The following TICRR variants were observed in gnomAD, a reference collection of about 807,000 sequenced individuals.
The protein encoded by TICRR is TOPBP1 interacting checkpoint and replication regulator, also known as treslin.
Under a neutral mutation model 178.1 loss-of-function variants are expected in TICRR, and 132 were observed. That is an observed-to-expected ratio of 0.74 (90% CI 0.64 to 0.86). The LOEUF (loss-of-function observed/expected upper bound fraction) is 0.86. TICRR is among the 40% of genes least tolerant of loss of function. The pLI is 0.00. For synonymous variants in TICRR, 991 were observed against 900.7 expected, an observed-to-expected ratio of 1.10 and a Z score of -1.79; for missense variants, 2,587 against 2,334.3, an observed-to-expected ratio of 1.11 and a Z score of -2.23.
chr15:89,610,926 G>T (rs1376625522), intron 15 of TICRR, among the ~76,000 whole-genome samples: 1 of 151,694 alleles, frequency 6.6e-6, no homozygotes, highest in Non-Finnish European at 1.5e-5. Flanking sequence ...TATGAATAAA[G>T]CCAACCTCTT....
chr15:89,609,722 G>A lies in TICRR; in HGVS notation c.2869+773G>A, dbSNP rs548110566. Among the ~76,000 whole-genome samples the A allele has an allele frequency of 3.1e-4, 47 of 151,874 alleles. 1 individual carries two copies. The highest frequency in any genetic ancestry group is 4.9e-4 in the Non-Finnish European group (33 of 67,954). On this transcript the variant is annotated intron_variant, in intron 15 of 21. Coordinates refer to ENST00000268138, the MANE Select transcript of TICRR (RefSeq NM_152259.4). Reference sequence around the variant, plus strand: ...ACTCCTGACCTCAAGTGATCTGCCCGCCTCAGCCTCCCAAAGTGCTGAGAT... The same window carrying A: ...ACTCCTGACCTCAAGTGATCTGCCCACCTCAGCCTCCCAAAGTGCTGAGAT...
At chr15:89,609,261 C>T (rs1324178225) in intron 15 of TICRR, among the ~76,000 whole-genome samples, 2 of 151,510 alleles carry the variant, frequency 1.3e-5, no homozygotes, top group African/African-American at 2.4e-5. Flanking sequence ...CAGATGTACA[C>T]TACCACACCC....
At chr15:89,626,422 C>T (rs978251416) in intron 21 of TICRR, among the ~76,000 whole-genome samples, 1 of 152,174 alleles carries the variant, frequency 6.6e-6, no homozygotes, top group Admixed American at 6.5e-5. Flanking sequence ...CGGGTTTATC[C>T]GCATGTTCTG....
At chr15:89,612,582 A>T (rs1000013240) in intron 15 of TICRR, among the ~76,000 whole-genome samples, 1 of 152,138 alleles carries the variant, frequency 6.6e-6, no homozygotes, top group Non-Finnish European at 1.5e-5. Flanking sequence ...CTTCCTAAAG[A>T]TCATCAGTCT....
rs374255181 is a variant in TICRR at position 89,624,564 on chromosome 15, A to G, written c.4254A>G (p.Thr1418=). Residue 1418 remains threonine, a synonymous_variant, in exon 20 of 22, where the codon ACA becomes ACG. Transcript: ENST00000268138. ...CAGCTGACAGCCCAGCTGCCCCCAC[A>G]GACTCTAGAGATGACCAGAAGGGAC... The part of the protein sequence containing the change: ...VGTADSPAAP[T]DSRDDQKGLS... The G allele has an allele frequency of 3.1e-5, 50 of 1,613,456 alleles. No individual in the cohort carries two copies. In the African/African-American group the frequency reaches 6.0e-4, roughly 19 times the overall value.
Position 89,627,160 on chromosome 15 carries a change from G to A in TICRR, c.*74G>A. The A allele has an allele frequency of 6.3e-7, 1 of 1,578,576 alleles. No homozygotes were observed. Among genetic ancestry groups the A allele is most frequent in the Non-Finnish European group, 8.7e-7 (1 of 1,155,822 alleles). ...GTGGACATAAAGAAGTTGGATGCCT[G>A]GTCCCAAGCCTCTTTTGCCATGGTC... On this transcript the variant is annotated 3_prime_UTR_variant, in exon 22 of 22. Transcript: ENST00000268138.
intron 8 of TICRR, among the ~76,000 whole-genome samples, chr15:89,600,328 A>G (rs1387614784): frequency 6.6e-6 from 1 of 152,196 alleles, no homozygotes; most frequent in Non-Finnish European, 1.5e-5. Context: ...TTTCTTAAGC[A>G]CTGCTTTATG....
Position 89,627,126 on chromosome 15 carries a change from C to CAGG in TICRR, c.*42_*44dup, listed in dbSNP as rs762902118. The CAGG allele has an allele frequency of 6.2e-7, 1 of 1,611,486 alleles. No individual in the cohort carries two copies. The highest frequency in any genetic ancestry group is 8.5e-7 in the Non-Finnish European group (1 of 1,179,252). On this transcript the variant is annotated 3_prime_UTR_variant, in exon 22 of 22. Coordinates refer to ENST00000268138, the MANE Select transcript of TICRR (RefSeq NM_152259.4). ...GAGCCCAAAAGATCAAGGAGTCAGC[C>CAGG]AGGACCCTGTGGACATAAAGAAGTT...
intron 15 of TICRR, among the ~76,000 whole-genome samples, chr15:89,610,953 C>T (rs78525973): frequency 0.01 from 1,539 of 152,074 alleles, 33 homozygotes; most frequent in African/African-American, 0.036. Flanking sequence ...AATATACACT[C>T]TGCTACTATG....
intron 15 of TICRR, among the ~76,000 whole-genome samples, chr15:89,612,905 C>T (rs1311917435): frequency 1.3e-5 from 2 of 152,322 alleles, no homozygotes; most frequent in East Asian, 3.9e-4. Context: ...TACATCTATA[C>T]ATTGTATGCC....
At chr15:89,607,843 C>T (rs905441346) in intron 14 of TICRR, among the ~76,000 whole-genome samples, 2 of 152,102 alleles carry the variant, frequency 1.3e-5, no homozygotes, top group African/African-American at 4.8e-5. Flanking sequence ...GCTGGCTTTG[C>T]CACGTACTTC....
At chr15:89,579,704 ATGGGAG>A in intron 1 of TICRR, 1 of 152,108 alleles carries the variant, frequency 6.6e-6, no homozygotes, top group African/African-American at 2.4e-5. Flanking sequence ...AATGGGTGTC[ATGGGAG>A]TGGGATTGGT....
rs555343718 is a variant in TICRR at position 89,581,579 on chromosome 15, C to T, written c.655-1107C>T. The stretch of plus-strand genomic sequence containing the variant: ...CCCAGGAAATAGAAATCAGCAAAAA[C>T]AGGGAAGCCTTAAAATATGGCATGT... On this transcript the variant is annotated intron_variant, in intron 1 of 21. Coordinates refer to ENST00000268138, the MANE Select transcript of TICRR (RefSeq NM_152259.4). 8.5e-5 allele frequency among the ~76,000 whole-genome samples: 13 copies of T among 152,258 alleles called. No individual in the cohort carries two copies. In the South Asian group the frequency reaches 2.7e-3, roughly 32 times the overall value.
intron 1 of TICRR, among the ~76,000 whole-genome samples, chr15:89,578,769 CCTT>C (rs1170718533): frequency 6.6e-6 from 1 of 152,038 alleles, no homozygotes; most frequent in African/African-American, 2.4e-5. Context: ...CTGAGGCTTC[CCTT>C]CTTACATCGG....
chr15:89,577,631 CAG>C lies in TICRR; in HGVS notation c.654+1394_654+1395del, dbSNP rs1171877183. ...TTTTTTTTTTTTTTTTTTTTTGAGA[CAG>C]AGTCTCGCTTTGTCACCCAGGCTGG... On this transcript the variant is annotated intron_variant, in intron 1 of 21. Transcript: ENST00000268138. Among the ~76,000 whole-genome samples, 401 of 75,392 alleles carry C rather than the reference CAG, an allele frequency of 5.3e-3. 5 individuals are homozygous for C. Among genetic ancestry groups the C allele is most frequent in the African/African-American group, 0.02 (366 of 18,582 alleles). The allele number at this position is 75,392 out of a possible 152,430, so 49.5% of individuals were successfully genotyped here.
intron 15 of TICRR, 101 bp downstream of exon 15, chr15:89,609,050 T>C: frequency 9.2e-7 from 1 of 1,088,752 alleles, no homozygotes; most frequent in Non-Finnish European, 1.3e-6. Context: ...TTGAGTCTTC[T>C]TCCCTCTTTT....
At chr15:89,580,909 G>C (rs1430834584) in intron 1 of TICRR, among the ~76,000 whole-genome samples, 2 of 152,186 alleles carry the variant, frequency 1.3e-5, no homozygotes, top group Non-Finnish European at 2.9e-5. Flanking sequence ...GCACATGCCT[G>C]TACTCCCAGC....
At chr15:89,595,821 C>G (rs1346061493) in intron 7 of TICRR, among the ~76,000 whole-genome samples, 1 of 152,010 alleles carries the variant, frequency 6.6e-6, no homozygotes, top group Non-Finnish European at 1.5e-5. Flanking sequence ...CGAGATTGCA[C>G]CACTGCACTC....
chr15:89,601,363 C>T lies in TICRR; in HGVS notation c.2219C>T (p.Thr740Ile), dbSNP rs1453375145. The change falls in exon 10 of 22, where the codon ACA becomes ATA. Residue 740 changes from threonine (T) to isoleucine (I), a missense_variant. Physicochemically the swap from Thr to Ile is moderately conservative, Grantham distance 89. Transcript: ENST00000268138. The stretch of plus-strand genomic sequence containing the variant: ...CAATGCCCTTCAATAAATGAAAGTA[C>T]AGATGATATGGAACAAGTAGTGGAG... ...CLQCPSINES[T>I]DDMEQVVEEV... 1.2e-6 allele frequency: 2 copies of T among 1,613,988 alleles called. No homozygotes were observed. Among genetic ancestry groups the T allele is most frequent in the Middle Eastern group, 1.6e-4 (1 of 6,084 alleles).
Sources: gnomAD v4.1 joint callset for allele counts (sites outside exome capture counted in the v4.1 genomes callset) on GRCh38, gnomAD v4.1.1 for gene constraint, MANE v1.5 for transcripts, NCBI Gene and HGNC (gene_info 2026-07-23, HGNC 2026-07-21) for gene names.